The following RABGAP1 variants were observed in gnomAD, a reference collection of about 807,000 sequenced individuals.
RABGAP1 encodes the protein RAB GTPase activating protein 1, also known as rab GTPase-activating protein 1.
RABGAP1 carries 23 observed loss-of-function variants against 137.6 expected under a neutral mutation model. That is an observed-to-expected ratio of 0.17 (90% CI 0.12 to 0.24). RABGAP1 has a LOEUF of 0.24. Ranked by LOEUF, RABGAP1 falls within the 10% of genes least tolerant of loss-of-function variation. The pLI is 1.00. For missense variants in RABGAP1, 906 were observed against 1,275.8 expected, an observed-to-expected ratio of 0.71 and a Z score of 4.42; for synonymous variants, 451 against 450.7, an observed-to-expected ratio of 1.00 and a Z score of -0.01.
chr9:122,955,701 A>G (rs1289888320), intron 1 of RABGAP1, among the ~76,000 whole-genome samples: 2 of 152,108 alleles, frequency 1.3e-5, no homozygotes, highest in Non-Finnish European at 2.9e-5. Flanking sequence ...TCCAACTATA[A>G]TACTCAGGGA....
chr9:123,020,167 C>T (rs879202856), intron 12 of RABGAP1, 142 bp from the exon 13 acceptor site: 3 of 636,824 alleles, frequency 4.7e-6, no homozygotes, highest in Middle Eastern at 9.8e-4. Flanking sequence ...TCATCTAATT[C>T]AGAAGCACTT....
intron 13 of RABGAP1, among the ~76,000 whole-genome samples, chr9:123,043,824 G>A (rs184581062): frequency 6.6e-5 from 10 of 152,078 alleles, no homozygotes; most frequent in Admixed American, 3.9e-4. Context: ...TAAGGAATAG[G>A]GTATGAAGAG....
intron 14 of RABGAP1, among the ~76,000 whole-genome samples, chr9:123,068,465 T>C (rs2034252569): frequency 6.6e-6 from 1 of 152,194 alleles, no homozygotes; most frequent in Non-Finnish European, 1.5e-5. Context: ...AAACTGTTAA[T>C]GGATATCTTC....
chr9:122,935,080 C>CT, the RABGAP1 span, among the ~76,000 whole-genome samples: 1 of 152,084 alleles, frequency 6.6e-6, no homozygotes, highest in Non-Finnish European at 1.5e-5. Flanking sequence ...GCCATTACTG[C>CT]TTTTTTGTGT....
Position 122,989,387 on chromosome 9 carries a change from G to C in RABGAP1, c.681G>C (p.Glu227Asp). Residue 227 changes from glutamate to aspartate, a missense_variant, in exon 5 of 26, where the codon GAG becomes GAC. By Grantham distance (45) the Glu-to-Asp change is conservative (BLOSUM62 2). Transcript: ENST00000373647. ...FCVRGHDGTP[E>D]SDCFAFTESH... is the part of the protein sequence containing the mutation. Reference sequence around the variant, plus strand: ...TCAGAGGGCATGATGGAACTCCTGAGAGTGACTGTTTTGCTTTCACTGAAA... The same window carrying C: ...TCAGAGGGCATGATGGAACTCCTGACAGTGACTGTTTTGCTTTCACTGAAA... 3.1e-6 allele frequency: 5 copies of C among 1,613,988 alleles called. No homozygotes were observed. Among genetic ancestry groups the C allele is most frequent in the Non-Finnish European group, 4.2e-6 (5 of 1,179,948 alleles).
Position 123,103,300 on chromosome 9 carries a change from C to A in RABGAP1, c.*87C>A. 1 of 1,564,516 alleles carries A rather than the reference C, an allele frequency of 6.4e-7. No individual in the cohort carries two copies. Among genetic ancestry groups the A allele is most frequent in the South Asian group, 1.2e-5 (1 of 84,160 alleles). On this transcript the variant is annotated 3_prime_UTR_variant, in exon 26 of 26. Coordinates refer to ENST00000373647, the MANE Select transcript of RABGAP1 (RefSeq NM_012197.4). ...CAGATGTGTGATTCTGTGACTTGTC[C>A]CAGGACCAGAATGTACCTAAGTCAG...
chr9:122,939,171 G>T (rs1472813232), upstream of RABGAP1: 1 of 151,876 alleles, frequency 6.6e-6, no homozygotes, highest in Non-Finnish European at 1.5e-5. Context: ...ATGTGAATGT[G>T]ATCTAGGAAT....
At chr9:123,034,894 T>A (rs1326016280) in intron 13 of RABGAP1, 7 of 1,613,604 alleles carry the variant, frequency 4.3e-6, no homozygotes, top group Admixed American at 1.7e-5. Context: ...TTTTGTAGTA[T>A]CAGTTCTGAA....
chr9:122,963,708 C>G (rs1264724553), intron 2 of RABGAP1, among the ~76,000 whole-genome samples: 2 of 151,810 alleles, frequency 1.3e-5, no homozygotes, highest in African/African-American at 2.4e-5. Context: ...CACCTTAAGA[C>G]CCTGGTAGAA....
intron 22 of RABGAP1, among the ~76,000 whole-genome samples, chr9:123,098,404 G>A (rs887925120): frequency 2.0e-4 from 31 of 152,234 alleles, no homozygotes; most frequent in African/African-American, 6.3e-4. Flanking sequence ...CCTCTTATGA[G>A]CTCTTTGGTT....
At position 122,984,645 on chromosome 9, in the gene RABGAP1, C is replaced by T; in HGVS notation, c.311C>T (p.Ser104Phe). ...CTTTCTAATCAGCTCTCCGCTTCAT[C>T]CACCATTAACCCTGTGCCATTAGTA... ...GPLSNQLSAS[S>F]TINPVPLVGL... is the part of the protein sequence containing the mutation. Residue 104 changes from serine to phenylalanine, a missense_variant, in exon 3 of 26, where the codon TCC becomes TTC. Around this residue, in one of 9 missense-constraint regions of RABGAP1, gnomAD observed 331 missense variants for 358.3 expected, o/e 0.92. Transcript: ENST00000373647. 1.2e-6 allele frequency: 2 copies of T among 1,614,196 alleles called. No homozygotes were observed.
intron 15 of RABGAP1, among the ~76,000 whole-genome samples, chr9:123,072,573 A>G (rs958330942): frequency 6.6e-6 from 1 of 152,160 alleles, no homozygotes; most frequent in African/African-American, 2.4e-5. Flanking sequence ...GAGATGGGCT[A>G]CTTAGCATCA....
intron 1 of RABGAP1, among the ~76,000 whole-genome samples, chr9:122,951,101 A>T (rs1357157020): frequency 1.3e-5 from 2 of 152,214 alleles, no homozygotes; most frequent in Non-Finnish European, 2.9e-5. Context: ...TGTTTAGAAC[A>T]GTGGGGAGTT....
intron 5 of RABGAP1, 116 bp from the exon 6 acceptor site, chr9:122,989,940 A>G (rs1836580130): frequency 1.2e-5 from 15 of 1,207,166 alleles, no homozygotes; most frequent in Non-Finnish European, 1.7e-5. Flanking sequence ...ATTTACCAAA[A>G]GAAATAAGTG....
At chr9:122,945,957 T>G (rs527592353) in intron 1 of RABGAP1, 2 of 152,206 alleles carry the variant, frequency 1.3e-5, no homozygotes, top group Non-Finnish European at 2.9e-5. Context: ...GGAAATGATA[T>G]GCAGAATCCT....
chr9:123,002,323 G>A (rs565490692), intron 10 of RABGAP1, among the ~76,000 whole-genome samples: 9 of 148,588 alleles, frequency 6.1e-5, no homozygotes, highest in Admixed American at 1.3e-4. Flanking sequence ...GTTTCTAGAT[G>A]GTAAATAGAA....
intron 13 of RABGAP1, among the ~76,000 whole-genome samples, chr9:123,063,543 T>C (rs542615046): frequency 3.0e-4 from 45 of 152,246 alleles, no homozygotes; most frequent in Non-Finnish European, 5.0e-4. Flanking sequence ...TTGTTTCTTA[T>C]CCTTTGCCAA....
intron 13 of RABGAP1, among the ~76,000 whole-genome samples, chr9:123,054,163 C>T (rs1234663851): frequency 6.6e-6 from 1 of 152,222 alleles, no homozygotes; most frequent in East Asian, 1.9e-4. Flanking sequence ...TAGAGCTTCA[C>T]CACTGCTTTA....
At chr9:123,068,059 T>G (rs193212317) in intron 14 of RABGAP1, among the ~76,000 whole-genome samples, 1 of 152,218 alleles carries the variant, frequency 6.6e-6, no homozygotes, top group Admixed American at 6.5e-5. Context: ...TGCTCAAGAT[T>G]CATATCTAGG....
Sources: gnomAD v4.1 joint callset for allele counts (sites outside exome capture counted in the v4.1 genomes callset) on GRCh38, gnomAD v4.1.1 for gene constraint, gnomAD v4.1.1 regional missense constraint, MANE v1.5 for transcripts, NCBI Gene and HGNC (gene_info 2026-07-23, HGNC 2026-07-21) for gene names.